ATP6AP1: variants seen among roughly 807,000 people sequenced by gnomAD.
ATP6AP1 encodes V-type proton ATPase subunit S1.
A neutral mutation model predicts 32.0 loss-of-function variants in ATP6AP1; 1 was observed. The ratio of observed to expected loss-of-function variants is 0.03; its 90% CI spans 0.01 to 0.15. ATP6AP1 has a LOEUF of 0.15. Among genes scored for constraint, ATP6AP1 ranks in the 10% least tolerant of loss-of-function variants. ATP6AP1 has a pLI of 1.00. For synonymous variants in ATP6AP1, 187 were observed against 174.9 expected, an observed-to-expected ratio of 1.07 and a Z score of -0.55; for missense variants, 297 against 398.8, an observed-to-expected ratio of 0.74 and a Z score of 2.17.
At position 154,432,537 on chromosome X, in the gene ATP6AP1, C is replaced by T. The variant is rs148286758; in HGVS notation, c.557+78C>T. 38 of 1,082,365 alleles carry T rather than the reference C, an allele frequency of 3.5e-5. No individual in the cohort carries two copies. In the East Asian group the frequency reaches 1.3e-3, roughly 36 times the overall value. 89.2% of individuals were successfully genotyped at this position (1,082,365 alleles called of 1,213,427 possible). A position where few individuals can be genotyped will look rare whatever the true frequency, so the allele number is the denominator to read the frequency against. ...CCCTGGGCTATGGCATGTGGTGGCA[C>T]CGTTTGGCTAAAGATGCCAGTACTC... On this transcript the variant is annotated intron_variant, in intron 4 of 9. Transcript: ENST00000369762.
At chrX:154,431,502 T>G in intron 2 of ATP6AP1, 1 of 213,122 alleles carries the variant, frequency 4.7e-6, no homozygotes, top group Non-Finnish European at 8.5e-6. Context: ...CCCCGCAGCT[T>G]CCCTGTTCCC....
chrX:154,432,907 TG>T lies in ATP6AP1; in HGVS notation c.558-22del, dbSNP rs782242957. ...GCAGGTCCAGGCCGCCTGAGGACTC[TG>T]GCGCTCTGTTTGTCTTCCATAGCTC... On this transcript the variant is annotated intron_variant, in intron 4 of 9. Coordinates refer to ENST00000369762, the MANE Select transcript of ATP6AP1 (RefSeq NM_001183.6). 5.0e-6 allele frequency: 6 copies of T among 1,208,802 alleles called. No individual in the cohort carries two copies. The Admixed American group carries it at 1.3e-4, about 26-fold the overall frequency.
In ATP6AP1 at chrX:154,435,197, G is replaced by C; in HGVS notation, c.971+11G>C. ...CACAGTGACATTCAAGTGAGTCCTGGGGGTGGTTGAGGTATGGGTGGGCTG... is the reference window on the plus strand; with the variant it reads ...CACAGTGACATTCAAGTGAGTCCTGCGGGTGGTTGAGGTATGGGTGGGCTG... On this transcript the variant is annotated intron_variant, in intron 8 of 9. Transcript: ENST00000369762. The C allele has an allele frequency of 1.7e-6, 2 of 1,209,835 alleles. No homozygotes were observed. The highest frequency in any genetic ancestry group is 1.1e-6 in the Non-Finnish European group (1 of 894,373).
Position 154,435,462 on chromosome X carries a change from G to A in ATP6AP1, c.1160G>A (p.Arg387His). The A allele has an allele frequency of 3.3e-6, 4 of 1,211,852 alleles. No homozygotes were observed. The highest frequency in any genetic ancestry group is 2.3e-4 in the Middle Eastern group (1 of 4,356). The change falls in exon 9 of 10, where the codon CGC (arginine) becomes CAC (histidine). Residue 387 changes from arginine to histidine, a missense_variant. By Grantham distance (29) the Arg-to-His change is conservative (BLOSUM62 0). Coordinates refer to ENST00000369762, the MANE Select transcript of ATP6AP1 (RefSeq NM_001183.6). ...LSKKGSLLVA[R>H]TQPSPWQMML... ...AAGAAGGGTAGTCTCCTCGTGGCCC[G>A]CACGCAGCCCTCTCCCTGGCAGATG...
At chrX:154,434,640 C>T (rs2068710112) in intron 7 of ATP6AP1, among the ~76,000 whole-genome samples, 194 bp downstream of exon 7, 1 of 111,420 alleles carries the variant, frequency 9.0e-6, no homozygotes, top group Non-Finnish European at 1.9e-5. Flanking sequence ...GGGAGTTGCT[C>T]AGACTTCTGC....
chrX:154,430,204 G>C (rs1263933143), intron 2 of ATP6AP1: 1 of 107,935 alleles, frequency 9.3e-6, no homozygotes, highest in African/African-American at 3.4e-5. Context: ...TCCGCCTCCC[G>C]GGTTCAAGCA....
rs2068720237 is a variant in ATP6AP1 at position 154,436,451 on chromosome X, T to A, written c.*560T>A. 1 of 111,663 alleles carries A rather than the reference T, an allele frequency of 9.0e-6. No individual in the cohort carries two copies. Among genetic ancestry groups the A allele is most frequent in the Admixed American group, 9.3e-5 (1 of 10,796 alleles). The allele number at this position is 111,663 out of a possible 1,213,427, so 9.2% of individuals were successfully genotyped here. On this transcript the variant is annotated 3_prime_UTR_variant, in exon 10 of 10. Coordinates refer to ENST00000369762, the MANE Select transcript of ATP6AP1 (RefSeq NM_001183.6). ...CTGTTTGGCATGTTCCCACCGGGAG[T>A]GCCGGGCAGGAGCATGGGGTGCTTG...
intron 4 of ATP6AP1, 48 bp from the exon 5 acceptor site, chrX:154,432,883 C>A (rs1327013895): frequency 4.2e-6 from 5 of 1,199,516 alleles, no homozygotes; most frequent in East Asian, 3.0e-5. Flanking sequence ...GTGGGCAGTG[C>A]AGGTCCAGGC....
Position 154,429,241 on chromosome X carries a change from A to G in ATP6AP1, c.288+67A>G, listed in dbSNP as rs1433080949. 3.5e-6 allele frequency: 4 copies of G among 1,143,213 alleles called. No homozygotes were observed. The African/African-American group carries it at 7.2e-5, about 21-fold the overall frequency. The allele number at this position is 1,143,213 out of a possible 1,213,427, so 94.2% of individuals were successfully genotyped here. A position where few individuals can be genotyped will look rare whatever the true frequency, so the allele number is the denominator to read the frequency against. On this transcript the variant is annotated intron_variant, in intron 2 of 9. Transcript: ENST00000369762. ...CAGCCAGGCCCCCTCCCCCCATGAC[A>G]CTGACGCCCATTCCCCAAGGGAAGC... is the stretch of plus-strand genomic sequence containing the variant.
At position 154,431,902 on chromosome X, in the gene ATP6AP1, G is replaced by C. The variant is rs148803059; in HGVS notation, c.361G>C (p.Glu121Gln). ...GCAGGACAGCGCCTTTTCTAACCTAGAGGTGAGAGTCCTCTCCCAGCCAGG... is the reference window on the plus strand; with the variant it reads ...GCAGGACAGCGCCTTTTCTAACCTACAGGTGAGAGTCCTCTCCCAGCCAGG... ...NKQDSAFSNL[E>Q]NALDLAPSSL... is the part of the protein sequence containing the mutation. Residue 121 changes from glutamate to glutamine, a missense_variant and splice_region_variant, in exon 3 of 10, where the codon GAG becomes CAG. By Grantham distance (29) the Glu-to-Gln change is conservative. Coordinates refer to ENST00000369762, the MANE Select transcript of ATP6AP1 (RefSeq NM_001183.6). The C allele has an allele frequency of 1.7e-3, 2,068 of 1,209,129 alleles. 2 individuals carry two copies. Among genetic ancestry groups the C allele is most frequent in the Non-Finnish European group, 2.2e-3 (1,964 of 894,395 alleles).
At position 154,432,922 on chromosome X, in the gene ATP6AP1, C is replaced by T. The variant is rs921377216; in HGVS notation, c.558-9C>T. The T allele has an allele frequency of 6.6e-6, 8 of 1,209,787 alleles. No homozygotes were observed. Among genetic ancestry groups the T allele is most frequent in the Non-Finnish European group, 8.9e-6 (8 of 895,022 alleles). ...CTGAGGACTCTGGCGCTCTGTTTGT[C>T]TTCCATAGCTCTGGTCTGATGGCAC... is the stretch of plus-strand genomic sequence containing the variant. On this transcript the variant is annotated splice_polypyrimidine_tract_variant and intron_variant, in intron 4 of 9. Coordinates refer to ENST00000369762, the MANE Select transcript of ATP6AP1 (RefSeq NM_001183.6).
intron 4 of ATP6AP1, 82 bp downstream of exon 4, chrX:154,432,541 T>C: frequency 9.3e-7 from 1 of 1,080,425 alleles, no homozygotes; most frequent in East Asian, 3.4e-5. Flanking sequence ...GTGGCACCGT[T>C]TGGCTAAAGA....
At chrX:154,432,215 A>G in intron 3 of ATP6AP1, 51 bp from the exon 4 acceptor site, 2 of 1,102,424 alleles carry the variant, frequency 1.8e-6, no homozygotes, top group Non-Finnish European at 2.5e-6. Flanking sequence ...GGGCTGGGCC[A>G]GGCCCACTGG....
intron 2 of ATP6AP1, chrX:154,430,150 G>C (rs1411237482): frequency 9.5e-6 from 1 of 105,010 alleles, no homozygotes; most frequent in Admixed American, 1.0e-4. Context: ...CTGTTGCCCA[G>C]GCTGGAATGC....
chrX:154,432,599 G>T, intron 4 of ATP6AP1, 140 bp downstream of exon 4: 10 of 894,826 alleles, frequency 1.1e-5, no homozygotes, highest in Non-Finnish European at 1.5e-5. Flanking sequence ...GGTGCCCTGT[G>T]TGGCCAGAAG....
chrX:154,434,501 T>C, intron 7 of ATP6AP1, 55 bp downstream of exon 7: 3 of 1,130,766 alleles, frequency 2.7e-6, no homozygotes, highest in Non-Finnish European at 3.6e-6. Flanking sequence ...TTCCCATCAC[T>C]GTGGGTCGCA....
intron 2 of ATP6AP1, chrX:154,431,591 G>C (rs1225613234): frequency 5.1e-6 from 2 of 388,370 alleles, no homozygotes; most frequent in Admixed American, 9.4e-5. Flanking sequence ...GCTGCCTGCA[G>C]ATCTCCCCAC....
chrX:154,433,577 G>A (rs782057748), intron 5 of ATP6AP1, 58 bp from the exon 6 acceptor site: 3 of 1,105,106 alleles, frequency 2.7e-6, no homozygotes, highest in East Asian at 6.0e-5. Flanking sequence ...AGTGGGGAGT[G>A]TTTCTTTATG....
At chrX:154,429,207 A>T in intron 2 of ATP6AP1, 33 bp downstream of exon 2, 2 of 1,204,960 alleles carry the variant, frequency 1.7e-6, no homozygotes, top group Non-Finnish European at 2.2e-6. Context: ...TCCCCCGGTC[A>T]TCGGGAGGCA....
Sources: gnomAD v4.1 joint callset for allele counts (sites outside exome capture counted in the v4.1 genomes callset) on GRCh38, gnomAD v4.1.1 for gene constraint, MANE v1.5 for transcripts, NCBI Gene and HGNC (gene_info 2026-07-23, HGNC 2026-07-21) for gene names.